The following RELN variants were observed in gnomAD, a reference collection of about 807,000 sequenced individuals.
The protein encoded by RELN is reelin.
Under a neutral mutation model 427.6 loss-of-function variants are expected in RELN, and 108 were observed. The observed-to-expected ratio is 0.25, with a 90% CI of 0.22 to 0.30. RELN has a LOEUF of 0.30. Among genes scored for constraint, RELN ranks in the 10% least tolerant of loss-of-function variants. The pLI is 1.00. For missense variants in RELN, 3,715 were observed against 4,302.8 expected, an observed-to-expected ratio of 0.86 and a Z score of 3.82; for synonymous variants, 1,524 against 1,513.4, an observed-to-expected ratio of 1.01 and a Z score of -0.16.
chr7:103,653,486 G>T (rs1284834950), intron 13 of RELN, among the ~76,000 whole-genome samples: 1 of 152,050 alleles, frequency 6.6e-6, no homozygotes, highest in Non-Finnish European at 1.5e-5. Context: ...TCAGTGCAAA[G>T]AAAAGACTAA....
chr7:103,966,928 G>C (rs1477157918), intron 1 of RELN, among the ~76,000 whole-genome samples: 1 of 152,112 alleles, frequency 6.6e-6, no homozygotes, highest in East Asian at 1.9e-4. Flanking sequence ...TCAGATGTTG[G>C]GGTCACTGAT....
chr7:103,748,957 T>A (rs1790925156), intron 6 of RELN, among the ~76,000 whole-genome samples: 1 of 152,202 alleles, frequency 6.6e-6, no homozygotes, highest in Non-Finnish European at 1.5e-5. Flanking sequence ...GAATTTTGGC[T>A]CATTATTTAT....
Position 103,723,156 on chromosome 7 carries a change from G to T in RELN, c.789C>A (p.Val263=), listed in dbSNP as rs1790119899. Residue 263 remains valine (V), a synonymous_variant, in exon 8 of 65, where the codon GTC becomes GTA. Transcript: ENST00000428762. The stretch of plus-strand genomic sequence containing the variant: ...AACACTTACCAATGGAAAATTGGAG[G>T]ACAGAAGCTGTTGTTGTATTAAGGC... The part of the protein sequence containing the change: ...TTGLNTTTAS[V]LQFSIGSGSC... The T allele has an allele frequency of 6.3e-7, 1 of 1,597,276 alleles. No homozygotes were observed. The highest frequency in any genetic ancestry group is 8.6e-7 in the Non-Finnish European group (1 of 1,165,124).
rs1219860149 is a variant in RELN at position 103,817,442 on chromosome 7, C to T, written c.473+16095G>A. Among the ~76,000 whole-genome samples, 4 of 152,188 alleles carry T rather than the reference C, an allele frequency of 2.6e-5. No homozygotes were observed. In the East Asian group the frequency reaches 7.7e-4, roughly 29 times the overall value. ...AGATAAGGCTCTGCTTTTAATTTAG[C>T]AAAAGCAGAGATGGAGGTGAAAAAG... On this transcript the variant is annotated intron_variant, in intron 3 of 64. Coordinates refer to ENST00000428762, the MANE Select transcript of RELN (RefSeq NM_005045.4).
intron 8 of RELN, among the ~76,000 whole-genome samples, chr7:103,713,334 G>A (rs531560595): frequency 1.3e-5 from 2 of 152,130 alleles, no homozygotes; most frequent in East Asian, 3.8e-4. Context: ...GATGCATTCT[G>A]GCTACTCAGA....
chr7:103,876,378 A>AAC (rs1794478852), intron 2 of RELN, among the ~76,000 whole-genome samples: 1 of 152,168 alleles, frequency 6.6e-6, no homozygotes. Flanking sequence ...GAAAGCTCTG[A>AAC]ACACACACAC....
intron 20 of RELN, among the ~76,000 whole-genome samples, chr7:103,629,109 C>T (rs1832394972): frequency 6.6e-6 from 1 of 152,182 alleles, no homozygotes; most frequent in African/African-American, 2.4e-5. Context: ...CATGTTCTCC[C>T]ACTTTCCAAT....
Position 103,482,634 on chromosome 7 carries a change from C to G in RELN, c.10280+239G>C, listed in dbSNP as rs2286264. 4.3e-4 allele frequency among the ~76,000 whole-genome samples: 66 copies of G among 152,252 alleles called. No individual in the cohort carries two copies. The East Asian group carries it at 0.01, about 24-fold the overall frequency. ...ATCCAATTTAACCAATATTGTCAAC[C>G]CTTAAATAAATGTTGTGCTTATGGA... On this transcript the variant is annotated intron_variant, in intron 63 of 64. Coordinates refer to ENST00000428762, the MANE Select transcript of RELN (RefSeq NM_005045.4).
intron 8 of RELN, 103 bp downstream of exon 8, chr7:103,723,037 T>A (rs1790116220): frequency 2.7e-6 from 2 of 733,624 alleles, no homozygotes; most frequent in Middle Eastern, 2.5e-4. Flanking sequence ...AGACTTACTA[T>A]TCTGTAAATC....
chr7:103,706,914 C>T (rs1332574512), intron 8 of RELN, among the ~76,000 whole-genome samples: 1 of 152,152 alleles, frequency 6.6e-6, no homozygotes, highest in Non-Finnish European at 1.5e-5. Flanking sequence ...CTGCACATTC[C>T]CTGACCATTC....
At chr7:103,907,743 G>A (rs1284609781) in intron 2 of RELN, among the ~76,000 whole-genome samples, 4 of 150,258 alleles carry the variant, frequency 2.7e-5, no homozygotes, top group African/African-American at 9.8e-5. Context: ...TCTGAGAACT[G>A]GATATGATGT....
At chr7:103,486,863 C>T (rs1031815949) in intron 60 of RELN, among the ~76,000 whole-genome samples, 3 of 152,192 alleles carry the variant, frequency 2.0e-5, no homozygotes, top group African/African-American at 7.2e-5. Flanking sequence ...CCTCAAGGAT[C>T]TAGAACTAGA....
chr7:103,483,724 G>C lies in RELN; in HGVS notation c.10110C>G (p.Thr3370=). The C allele has an allele frequency of 1.9e-6, 3 of 1,614,204 alleles. No individual in the cohort carries two copies. The highest frequency in any genetic ancestry group is 2.5e-6 in the Non-Finnish European group (3 of 1,180,010). ...GCTGGTGCTGGGCGATGACATGCCA[G>C]GTGATCCCGTTGTTGACGCTGTATT... The part of the protein sequence containing the change: ...LLQYSVNNGI[T]WHVIAQHQPK... The change falls in exon 62 of 65, where the codon ACC becomes ACG. Residue 3370 remains threonine (T), a synonymous_variant. Coordinates refer to ENST00000428762, the MANE Select transcript of RELN (RefSeq NM_005045.4).
At position 103,503,235 on chromosome 7, in the gene RELN, T is replaced by C. The variant is rs1554365479; in HGVS notation, c.8275-5A>G. 6 of 1,612,910 alleles carry C rather than the reference T, an allele frequency of 3.7e-6. No homozygotes were observed. Among genetic ancestry groups the C allele is most frequent in the Admixed American group, 1.7e-5 (1 of 60,014 alleles). On this transcript the variant is annotated splice_polypyrimidine_tract_variant and splice_region_variant and intron_variant, in intron 51 of 64. Transcript: ENST00000428762. ...CACCTTACATCCAACTGAGATCTAA[T>C]AAACAGAAAAACAAGATCAAGGTAT... is the stretch of plus-strand genomic sequence containing the variant.
chr7:103,852,085 T>C lies in RELN; in HGVS notation c.338-18413A>G, dbSNP rs549712668. On this transcript the variant is annotated intron_variant, in intron 2 of 64. Transcript: ENST00000428762. ...CACAGCAAGATGGAACTTACCTGATTAATACACCCTTTTAATATAACACTT... is the reference window on the plus strand; with the variant it reads ...CACAGCAAGATGGAACTTACCTGATCAATACACCCTTTTAATATAACACTT... Among the ~76,000 whole-genome samples the C allele has an allele frequency of 3.9e-5, 6 of 152,288 alleles. No homozygotes were observed. The South Asian group carries it at 1.2e-3, about 32-fold the overall frequency.
chr7:103,589,493 A>G, intron 28 of RELN, 103 bp downstream of exon 28: 1 of 794,398 alleles, frequency 1.3e-6, no homozygotes. Context: ...CCAGAATTGT[A>G]TTTTCGGGGT....
intron 6 of RELN, among the ~76,000 whole-genome samples, chr7:103,741,880 G>A (rs978497026): frequency 1.1e-4 from 17 of 152,208 alleles, no homozygotes; most frequent in Admixed American, 5.2e-4. Flanking sequence ...CAGAAGATGG[G>A]TGATTTCTGC....
intron 4 of RELN, among the ~76,000 whole-genome samples, chr7:103,774,058 G>A (rs1791674653): frequency 1.3e-5 from 2 of 152,036 alleles, no homozygotes; most frequent in Admixed American, 6.5e-5. Flanking sequence ...CACTTTGGGA[G>A]GTTGAGGCAG....
intron 2 of RELN, among the ~76,000 whole-genome samples, chr7:103,907,414 G>GAAAAAAAA (rs1795234328): frequency 0.013 from 511 of 39,686 alleles, 210 homozygotes; most frequent in Middle Eastern, 0.026. Flanking sequence ...TCAAGGCTCT[G>GAAAAAAAA]GAAAAAAAAA....
Sources: gnomAD v4.1 joint callset for allele counts (sites outside exome capture counted in the v4.1 genomes callset) on GRCh38, gnomAD v4.1.1 for gene constraint, MANE v1.5 for transcripts, NCBI Gene and HGNC (gene_info 2026-07-23, HGNC 2026-07-21) for gene names.